The following MYO3B variants were observed in gnomAD, a reference collection of about 807,000 sequenced individuals.
The protein encoded by MYO3B is myosin IIIB.
A neutral mutation model predicts 174.6 loss-of-function variants in MYO3B; 156 were observed. The observed-to-expected ratio is 0.89, with a 90% CI of 0.78 to 1.02. The LOEUF is 1.02. Among genes scored for constraint, MYO3B ranks in the 50% least tolerant of loss-of-function variants. The pLI is 0.00. For synonymous variants in MYO3B, 563 were observed against 569.1 expected (o/e 0.99, Z 0.15); for missense variants, 1,632 against 1,639.4 (o/e 1.00, Z 0.08).
chr2:170,263,404 A>G (rs2093359479), intron 7 of MYO3B, among the ~76,000 whole-genome samples: 1 of 152,170 alleles, frequency 6.6e-6, no homozygotes, highest in South Asian at 2.1e-4. Context: ...ATAGAGAAAG[A>G]AAAGTGGGCC....
At chr2:170,445,625 C>T (rs944031589) in intron 23 of MYO3B, among the ~76,000 whole-genome samples, 1 of 151,820 alleles carries the variant, frequency 6.6e-6, no homozygotes, top group Admixed American at 6.6e-5. Flanking sequence ...CAGGCGCTCG[C>T]CACCACACCT....
chr2:170,353,648 G>A (rs572776895), intron 8 of MYO3B, among the ~76,000 whole-genome samples: 10 of 152,162 alleles, frequency 6.6e-5, no homozygotes, highest in South Asian at 2.1e-4. Context: ...GAGGCTGTGC[G>A]TGTAGGGGGG....
chr2:170,648,734 T>C (rs28584445), intron 32 of MYO3B, among the ~76,000 whole-genome samples: 23 of 107,470 alleles, frequency 2.1e-4, no homozygotes, highest in Non-Finnish European at 3.9e-4. Context: ...AAAATATATA[T>C]TATATTCTAT....
intron 8 of MYO3B, among the ~76,000 whole-genome samples, chr2:170,357,098 T>G (rs1422659828): frequency 6.6e-6 from 1 of 152,062 alleles, no homozygotes; most frequent in Non-Finnish European, 1.5e-5. Context: ...AGTCTGTTTT[T>G]ATATCATGGA....
chr2:170,442,709 G>A (rs1348210152), intron 22 of MYO3B, among the ~76,000 whole-genome samples: 1 of 152,002 alleles, frequency 6.6e-6, no homozygotes, highest in Non-Finnish European at 1.5e-5. Flanking sequence ...GCGTCCAAGT[G>A]TTCTCATTGT....
chr2:170,391,346 T>C (rs1357661692), intron 14 of MYO3B, among the ~76,000 whole-genome samples, 174 bp from the exon 15 acceptor site: 2 of 152,240 alleles, frequency 1.3e-5, no homozygotes, highest in Non-Finnish European at 2.9e-5. Context: ...TGCAACATTA[T>C]GACAATTACT....
chr2:170,371,035 G>A (rs747748448), intron 9 of MYO3B, among the ~76,000 whole-genome samples: 15 of 151,682 alleles, frequency 9.9e-5, no homozygotes, highest in Admixed American at 1.3e-4. Context: ...TGGCCAACAT[G>A]GTGACACCCT....
In MYO3B at chr2:170,392,418, A is replaced by T. The variant is rs376020126; in HGVS notation, c.1714A>T (p.Ile572Leu). The T allele has an allele frequency of 8.1e-5, 129 of 1,602,296 alleles. 1 individual carries two copies. The South Asian group carries it at 1.2e-3, about 15-fold the overall frequency. The change falls in exon 16 of 35, where the codon ATA becomes TTA. Residue 572 changes from isoleucine to leucine, a missense_variant. Coordinates refer to ENST00000408978, the MANE Select transcript of MYO3B (RefSeq NM_138995.5). ...TGAAACTGGAAGGGTGATGCACGAC[A>T]TAACTTCCAAGGAGTCTTACAGAAG... ...ADETGRVMHD[I>L]TSKESYRRQF... is the part of the protein sequence containing the mutation.
chr2:170,529,195 C>G (rs989761710), intron 30 of MYO3B, among the ~76,000 whole-genome samples: 2 of 152,018 alleles, frequency 1.3e-5, no homozygotes, highest in African/African-American at 4.8e-5. Context: ...GACACTGGAA[C>G]CTACTTGAGG....
At chr2:170,310,665 C>CAAAAAAAAAAA (rs746315736) in intron 7 of MYO3B, among the ~76,000 whole-genome samples, 58 of 61,364 alleles carry the variant, frequency 9.5e-4, no homozygotes, top group East Asian at 1.8e-3. Context: ...GACTCCATCT[C>CAAAAAAAAAAA]AAAAAAAAAA....
intron 7 of MYO3B, among the ~76,000 whole-genome samples, chr2:170,305,267 G>A (rs932827206): frequency 3.3e-5 from 5 of 152,082 alleles, no homozygotes; most frequent in Non-Finnish European, 1.5e-5. Flanking sequence ...ACACTAAAAC[G>A]TTACATACAC....
intron 6 of MYO3B, among the ~76,000 whole-genome samples, chr2:170,218,642 T>C (rs527838455): frequency 2.0e-5 from 3 of 152,332 alleles, no homozygotes; most frequent in African/African-American, 7.2e-5. Context: ...GCTAGCATAA[T>C]CTGTTTGTTC....
intron 32 of MYO3B, among the ~76,000 whole-genome samples, chr2:170,567,410 G>A (rs548839892): frequency 6.6e-6 from 1 of 152,208 alleles, no homozygotes; most frequent in African/African-American, 2.4e-5. Flanking sequence ...GAAGGGTAGG[G>A]GACATCCAAA....
chr2:170,179,093 T>G (rs2092366142), intron 1 of MYO3B, among the ~76,000 whole-genome samples: 1 of 152,144 alleles, frequency 6.6e-6, no homozygotes, highest in Admixed American at 6.5e-5. Context: ...CCCTGGAGCA[T>G]CAGGATAAAT....
rs548903157 is a variant in MYO3B at position 170,482,796 on chromosome 2, A to G, written c.3015-15796A>G. 3.3e-4 allele frequency among the ~76,000 whole-genome samples: 51 copies of G among 152,358 alleles called. No individual in the cohort carries two copies. The South Asian group carries it at 3.5e-3, about 11-fold the overall frequency. ...CAATAGAGGTAAAATCACTTCCCCA[A>G]GGTATCTCTAGGAATAGGCAATATC... is the stretch of plus-strand genomic sequence containing the variant. On this transcript the variant is annotated intron_variant, in intron 25 of 34. Coordinates refer to ENST00000408978, the MANE Select transcript of MYO3B (RefSeq NM_138995.5).
At chr2:170,219,348 A>C (rs2092866145) in intron 6 of MYO3B, among the ~76,000 whole-genome samples, 1 of 152,204 alleles carries the variant, frequency 6.6e-6, no homozygotes, top group African/African-American at 2.4e-5. Context: ...CATGCTCAAA[A>C]AAATTATCTG....
At chr2:170,352,436 C>G (rs2105605599) in intron 8 of MYO3B, among the ~76,000 whole-genome samples, 1 of 152,124 alleles carries the variant, frequency 6.6e-6, no homozygotes, top group South Asian at 2.1e-4. Flanking sequence ...TAACAGAAGA[C>G]AGGAAATGAG....
At chr2:170,524,538 C>T in intron 30 of MYO3B, 1 of 445,486 alleles carries the variant, frequency 2.2e-6, no homozygotes, top group Non-Finnish European at 4.5e-6. Context: ...GGCTGGAGTG[C>T]AATAGCATGA....
At chr2:170,226,050 C>G (rs1300318893) in intron 6 of MYO3B, among the ~76,000 whole-genome samples, 1 of 152,190 alleles carries the variant, frequency 6.6e-6, no homozygotes, top group African/African-American at 2.4e-5. Flanking sequence ...TTCTCATATT[C>G]CATGGCTCTG....
Sources: gnomAD v4.1 joint callset for allele counts (sites outside exome capture counted in the v4.1 genomes callset) on GRCh38, gnomAD v4.1.1 for gene constraint, MANE v1.5 for transcripts, NCBI Gene and HGNC (gene_info 2026-07-23, HGNC 2026-07-21) for gene names.